CDH4: variants seen among roughly 807,000 people sequenced by gnomAD.
CDH4 encodes the protein cadherin 4.
Under a neutral mutation model 86.0 loss-of-function variants are expected in CDH4, and 33 were observed. The ratio of observed to expected loss-of-function variants is 0.38; its 90% confidence interval spans 0.29 to 0.51. CDH4 has a LOEUF of 0.51. CDH4 is among the 20% of genes least tolerant of loss of function. CDH4 has a pLI of 0.86. For missense variants in CDH4, 1,114 were observed against 1,307.4 expected, an observed-to-expected ratio of 0.85 and a Z score of 2.28; for synonymous variants, 555 against 549.4, an observed-to-expected ratio of 1.01 and a Z score of -0.14.
chr20:61,520,239 G>T (rs1401660393), intron 2 of CDH4, among the ~76,000 whole-genome samples: 1 of 152,222 alleles, frequency 6.6e-6, no homozygotes, highest in Non-Finnish European at 1.5e-5. Flanking sequence ...TTGTTGCCAG[G>T]AGGCCGCCTG....
intron 2 of CDH4, among the ~76,000 whole-genome samples, chr20:61,690,321 C>T (rs978158387): frequency 1.3e-5 from 2 of 152,110 alleles, no homozygotes; most frequent in Admixed American, 6.5e-5. Flanking sequence ...TTGTCACTCC[C>T]GGGAGGCTTC....
At chr20:61,851,905 G>A (rs1162098364) in intron 5 of CDH4, among the ~76,000 whole-genome samples, 1 of 152,240 alleles carries the variant, frequency 6.6e-6, no homozygotes, top group African/African-American at 2.4e-5. Flanking sequence ...TCAGTGCACA[G>A]TAATCTAGGG....
intron 2 of CDH4, among the ~76,000 whole-genome samples, chr20:61,630,065 G>A (rs1203147843): frequency 1.3e-5 from 2 of 152,188 alleles, no homozygotes; most frequent in Admixed American, 1.3e-4. Context: ...CCTGGCAGAG[G>A]CAGCATCAGC....
chr20:61,921,866 T>C (rs1022001584), intron 9 of CDH4, among the ~76,000 whole-genome samples: 3 of 152,192 alleles, frequency 2.0e-5, no homozygotes, highest in African/African-American at 7.2e-5. Context: ...ACGATGATCA[T>C]TTTTATTAGT....
At position 61,453,226 on chromosome 20, in the gene CDH4, T is replaced by C. The variant is rs1472884578; in HGVS notation, c.169+198289T>C. On this transcript the variant is annotated intron_variant, in intron 2 of 15. Transcript: ENST00000614565. ...TTGAACAATTTATAGTTCTTGAAAT[T>C]GTCAAATTGAAGCATTCATTTTTCT... is the stretch of plus-strand genomic sequence containing the variant. Among the ~76,000 whole-genome samples the C allele has an allele frequency of 3.3e-5, 5 of 152,322 alleles. No homozygotes were observed. In the East Asian group the frequency reaches 9.6e-4, roughly 29 times the overall value.
chr20:61,278,707 G>C (rs530774376), intron 2 of CDH4, among the ~76,000 whole-genome samples: 2 of 152,354 alleles, frequency 1.3e-5, no homozygotes, highest in South Asian at 4.1e-4. Flanking sequence ...AAGGGGAGTG[G>C]TCCATGCAGG....
At chr20:61,430,698 G>A (rs2085241763) in intron 2 of CDH4, among the ~76,000 whole-genome samples, 1 of 152,172 alleles carries the variant, frequency 6.6e-6, no homozygotes, top group South Asian at 2.1e-4. Flanking sequence ...CTTATTACCT[G>A]CTGTCTTGTG....
At position 61,548,478 on chromosome 20, in the gene CDH4, C is replaced by T. The variant is rs541177117; in HGVS notation, c.170-195085C>T. 1.2e-4 allele frequency among the ~76,000 whole-genome samples: 19 copies of T among 152,158 alleles called. No individual in the cohort carries two copies. In the South Asian group the frequency reaches 3.7e-3, roughly 30 times the overall value. ...CAGATGTTGAGATCAGTTCCCCGCC[C>T]CCCCATTACAGCCCTCGAATATTTT... On this transcript the variant is annotated intron_variant, in intron 2 of 15. Transcript: ENST00000614565.
At chr20:61,440,379 C>T (rs2085307758) in intron 2 of CDH4, among the ~76,000 whole-genome samples, 2 of 152,188 alleles carry the variant, frequency 1.3e-5, no homozygotes, top group Non-Finnish European at 2.9e-5. Flanking sequence ...AAAGGGAACA[C>T]CCTGTTGAGC....
At chr20:61,849,337 C>T (rs1196132746) in intron 5 of CDH4, among the ~76,000 whole-genome samples, 1 of 152,198 alleles carries the variant, frequency 6.6e-6, no homozygotes, top group Non-Finnish European at 1.5e-5. Flanking sequence ...GCAGCTGTGC[C>T]AGCCAGCAGG....
intron 2 of CDH4, among the ~76,000 whole-genome samples, chr20:61,372,193 T>G (rs1178974831): frequency 6.6e-6 from 1 of 152,180 alleles, no homozygotes; most frequent in African/African-American, 2.4e-5. Context: ...AAAGCCAAAC[T>G]CCATGTCTTC....
Position 61,894,925 on chromosome 20 carries a change from A to G in CDH4, c.1066A>G (p.Thr356Ala), listed in dbSNP as rs146877847. The change falls in exon 8 of 16, where the codon ACA becomes GCA. Residue 356 changes from threonine (T) to alanine (A), a missense_variant. By Grantham distance (58) the Thr-to-Ala change is moderately conservative. Around this residue, in one of 3 missense-constraint regions of CDH4, gnomAD observed 705 missense variants for 914.1 expected, o/e 0.77. Coordinates refer to ENST00000614565, the MANE Select transcript of CDH4 (RefSeq NM_001794.5). ...GLDREKVQQYTVIVQATDMEG... is the reference protein window; with the variant it reads ...GLDREKVQQYAVIVQATDMEG... ...TCCCTTCCAGAAAGTTCAGCAGTAC[A>G]CAGTCATCGTTCAGGCCACAGATAT... 6.2e-7 allele frequency: 1 copy of G among 1,613,696 alleles called. No individual in the cohort carries two copies. The highest frequency in any genetic ancestry group is 1.3e-5 in the African/African-American group (1 of 74,924).
At chr20:61,555,032 G>A (rs2086166346) in intron 2 of CDH4, among the ~76,000 whole-genome samples, 1 of 152,244 alleles carries the variant, frequency 6.6e-6, no homozygotes, top group Non-Finnish European at 1.5e-5. Context: ...GCACACCTGT[G>A]TGCATGTATG....
chr20:61,828,862 G>C (rs148389035), intron 4 of CDH4, among the ~76,000 whole-genome samples: 37 of 152,352 alleles, frequency 2.4e-4, no homozygotes, highest in African/African-American at 7.5e-4. Context: ...TTTCCTGGAA[G>C]ACAATTTTCC....
In CDH4 at chr20:61,663,019, C is replaced by T. The variant is rs954530295; in HGVS notation, c.170-80544C>T. Reference sequence around the variant, plus strand: ...CCCCACAGGCACTGGCACAGCGGCCCGGGGTAGAACCCATGGCCCTGACTC... The same window carrying T: ...CCCCACAGGCACTGGCACAGCGGCCTGGGGTAGAACCCATGGCCCTGACTC... On this transcript the variant is annotated intron_variant, in intron 2 of 15. Transcript: ENST00000614565. This position sits in a 1 kb window ranked among gnomAD's most constrained non-coding sequence, Gnocchi z 5.0. Among the ~76,000 whole-genome samples the T allele has an allele frequency of 2.0e-4, 31 of 152,126 alleles. No individual in the cohort carries two copies. The highest frequency in any genetic ancestry group is 7.0e-4 in the African/African-American group (29 of 41,432).
chr20:61,260,933 G>A (rs1238485548), intron 2 of CDH4, among the ~76,000 whole-genome samples: 2 of 152,366 alleles, frequency 1.3e-5, no homozygotes, highest in South Asian at 2.1e-4. Flanking sequence ...CACAGAAAGC[G>A]CTGCATGGTG....
chr20:61,565,412 C>CTTGGTGCTG lies in CDH4; in HGVS notation c.170-178148_170-178147insGTGCTGTTG, dbSNP rs74195736. Among the ~76,000 whole-genome samples, 377 of 75,008 alleles carry CTTGGTGCTG rather than the reference C, an allele frequency of 5.0e-3. 80 individuals carry two copies. The highest frequency in any genetic ancestry group is 8.4e-3 in the Non-Finnish European group (289 of 34,570). The allele number at this position is 75,008 out of a possible 152,430, so 49.2% of individuals were successfully genotyped here. On this transcript the variant is annotated intron_variant, in intron 2 of 15. Coordinates refer to ENST00000614565, the MANE Select transcript of CDH4 (RefSeq NM_001794.5). Reference sequence around the variant, plus strand: ...ATGGGGTGATGGTGGTGGCGGTGCTCTTGCTATTGTTGTTGCTGTTCTCTG... The same window carrying CTTGGTGCTG: ...ATGGGGTGATGGTGGTGGCGGTGCTCTTGGTGCTGTTGCTATTGTTGTTGCTGTTCTCTG...
rs531496358 is a variant in CDH4, at chr20:61,618,036, C to T, written c.170-125527C>T. Reference sequence around the variant, plus strand: ...AAGATGTGCCTTTCACCTTCTGCCACGATTGCGAGGCCTCCCCAGCCATGT... The same window carrying T: ...AAGATGTGCCTTTCACCTTCTGCCATGATTGCGAGGCCTCCCCAGCCATGT... On this transcript the variant is annotated intron_variant, in intron 2 of 15. Coordinates refer to ENST00000614565, the MANE Select transcript of CDH4 (RefSeq NM_001794.5). Among the ~76,000 whole-genome samples, 7 of 152,290 alleles carry T rather than the reference C, an allele frequency of 4.6e-5. No homozygotes were observed. The South Asian group carries it at 1.2e-3, about 27-fold the overall frequency.
intron 2 of CDH4, among the ~76,000 whole-genome samples, chr20:61,685,875 G>A (rs967221291): frequency 1.3e-5 from 2 of 152,212 alleles, no homozygotes; most frequent in Admixed American, 6.5e-5. Context: ...CCGGGCTGTG[G>A]GATCCCCACT....
Sources: allele counts gnomAD v4.1 joint callset (sites outside exome capture counted in the v4.1 genomes callset), GRCh38; gene constraint gnomAD v4.1.1; regional missense constraint gnomAD v4.1.1; non-coding constraint Gnocchi (gnomAD v3.1); transcripts MANE v1.5; gene names NCBI Gene and HGNC (gene_info 2026-07-23, HGNC 2026-07-21).